The following PYROXD1 variants were observed in gnomAD, a reference collection of about 807,000 sequenced individuals.
The protein encoded by PYROXD1 is tRNA ligase complex-associated NAD(P)H dehydrogenase PYROXD1.
In PYROXD1, 42 loss-of-function variants were observed where a neutral mutation model predicts 62.0. The observed-to-expected ratio is 0.68, with a 90% CI of 0.53 to 0.88. PYROXD1 has a LOEUF of 0.88. PYROXD1 is among the 40% of genes least tolerant of loss of function. The pLI is 0.00. For missense variants in PYROXD1, 493 were observed against 604.8 expected, an observed-to-expected ratio of 0.82 and a Z score of 1.94; for synonymous variants, 170 against 206.4, an observed-to-expected ratio of 0.82 and a Z score of 1.51.
intron 2 of PYROXD1, among the ~76,000 whole-genome samples, 194 bp from the exon 3 acceptor site, chr12:21,445,153 G>A (rs1017467849): frequency 2.6e-5 from 4 of 152,258 alleles, no homozygotes; most frequent in South Asian, 4.1e-4. Context: ...GACTTGCCCA[G>A]GAGCGGCCAA....
At chr12:21,438,472 G>C (rs778986782) in intron 1 of PYROXD1, 2 of 152,218 alleles carry the variant, frequency 1.3e-5, no homozygotes, top group Non-Finnish European at 2.9e-5. Flanking sequence ...GTAGGTGATT[G>C]AGTTTAGTTT....
intron 1 of PYROXD1, among the ~76,000 whole-genome samples, chr12:21,438,851 G>C (rs2417979): frequency 0.49 from 74,853 of 151,946 alleles, 18,506 homozygotes; most frequent in Middle Eastern, 0.59. Context: ...ACCGTATTAA[G>C]GGCTGAGTGT....
At chr12:21,446,310 G>C (rs1157343942) in intron 3 of PYROXD1, among the ~76,000 whole-genome samples, 1 of 116,252 alleles carries the variant, frequency 8.6e-6, no homozygotes, top group Non-Finnish European at 1.9e-5. Context: ...GTTAGTCCCA[G>C]CTACTCGGGA....
At chr12:21,445,116 G>C (rs964662090) in intron 2 of PYROXD1, among the ~76,000 whole-genome samples, 4 of 152,172 alleles carry the variant, frequency 2.6e-5, no homozygotes, top group African/African-American at 9.7e-5. Flanking sequence ...CATTTTATTA[G>C]CCAGGAAACT....
Position 21,455,166 on chromosome 12 carries a change from A to G in PYROXD1, c.523A>G (p.Ile175Val). The change falls in exon 6 of 12, where the codon ATT becomes GTT. Residue 175 changes from isoleucine (I) to valine (V), a missense_variant. Physicochemically the swap from Ile to Val is conservative, Grantham distance 29. Around this residue, in one of 2 missense-constraint regions of PYROXD1, gnomAD observed 329 missense variants for 446.6 expected, o/e 0.74. Coordinates refer to ENST00000240651, the MANE Select transcript of PYROXD1 (RefSeq NM_024854.5). ...EIEGCEVIWA[I>V]KDKAIGNTFF... ...TGAAGGCTGTGAAGTGATTTGGGCC[A>G]TTAAAGATAAAGCTATAGGGAATAC... 2 of 1,535,848 alleles carry G rather than the reference A, an allele frequency of 1.3e-6. No individual in the cohort carries two copies. Among genetic ancestry groups the G allele is most frequent in the Non-Finnish European group, 8.8e-7 (1 of 1,140,264 alleles).
intron 2 of PYROXD1, among the ~76,000 whole-genome samples, chr12:21,442,758 C>T (rs1942319351): frequency 6.6e-6 from 1 of 152,230 alleles, no homozygotes; most frequent in Non-Finnish European, 1.5e-5. Context: ...GGTCCCCTCA[C>T]AGTAGCAAGG....
At chr12:21,445,219 G>A in intron 2 of PYROXD1, 128 bp from the exon 3 acceptor site, 1 of 981,464 alleles carries the variant, frequency 1.0e-6, no homozygotes. Context: ...TCTATATAGT[G>A]CAGTTGGCTA....
chr12:21,461,570 A>G (rs1234320116), intron 8 of PYROXD1, among the ~76,000 whole-genome samples: 4 of 152,210 alleles, frequency 2.6e-5, no homozygotes, highest in Non-Finnish European at 4.4e-5. Context: ...CACTCAGTTA[A>G]CTAGCATATG....
chr12:21,439,748 T>C (rs1942259910), intron 1 of PYROXD1, among the ~76,000 whole-genome samples: 2 of 152,180 alleles, frequency 1.3e-5, no homozygotes, highest in African/African-American at 4.8e-5. Context: ...GAAAATGCTT[T>C]CAGGTACAGA....
chr12:21,443,824 C>G (rs1942339843), intron 2 of PYROXD1, among the ~76,000 whole-genome samples: 2 of 152,136 alleles, frequency 1.3e-5, no homozygotes, highest in Non-Finnish European at 2.9e-5. Flanking sequence ...ACCATGTTGT[C>G]CCTTTATAAC....
chr12:21,463,006 A>T, intron 10 of PYROXD1, 144 bp downstream of exon 10: 1 of 673,786 alleles, frequency 1.5e-6, no homozygotes, highest in African/African-American at 1.8e-5. Context: ...TATTTAAAAA[A>T]AAAACTAGAA....
chr12:21,459,629 TC>T (rs1942658622), intron 7 of PYROXD1, among the ~76,000 whole-genome samples: 1 of 152,156 alleles, frequency 6.6e-6, no homozygotes. Flanking sequence ...GTGAGATTGA[TC>T]CCTCAACATG....
chr12:21,455,580 A>G (rs1942581377), intron 6 of PYROXD1, among the ~76,000 whole-genome samples: 1 of 151,554 alleles, frequency 6.6e-6, no homozygotes, highest in Non-Finnish European at 1.5e-5. Flanking sequence ...TTTGTAAAAA[A>G]TGCAGTGAGT....
At chr12:21,459,597 A>G (rs764801876) in intron 7 of PYROXD1, among the ~76,000 whole-genome samples, 10 of 152,182 alleles carry the variant, frequency 6.6e-5, no homozygotes, top group Non-Finnish European at 1.5e-5. Flanking sequence ...TGCAATTGGT[A>G]TTGGAAGTGG....
chr12:21,453,384 T>C (rs1942536956), intron 5 of PYROXD1, among the ~76,000 whole-genome samples: 1 of 152,112 alleles, frequency 6.6e-6, no homozygotes, highest in Admixed American at 6.5e-5. Flanking sequence ...TGAGGTCTGC[T>C]GCGTGATTAG....
intron 4 of PYROXD1, among the ~76,000 whole-genome samples, 167 bp downstream of exon 4, chr12:21,449,858 CT>C (rs71537701): frequency 5.8e-4 from 85 of 147,432 alleles, no homozygotes; most frequent in East Asian, 1.6e-3. Flanking sequence ...AATTTTCTTT[CT>C]TTTTTTTTTT....
rs546950705 is a variant in PYROXD1 at position 21,456,457 on chromosome 12, AT to A, written c.750+363del. On this transcript the variant is annotated intron_variant, in intron 7 of 11. Transcript: ENST00000240651. ...CAGTTTCCCAGTGCCTGCAAAAGTT[AT>A]GTTTATAACATACTGCAGTCTATTA... is the stretch of plus-strand genomic sequence containing the variant. 9.3e-4 allele frequency among the ~76,000 whole-genome samples: 142 copies of A among 152,326 alleles called. 1 individual carries two copies. Among genetic ancestry groups the A allele is most frequent in the African/African-American group, 3.3e-3 (137 of 41,578 alleles).
intron 2 of PYROXD1, among the ~76,000 whole-genome samples, chr12:21,444,702 A>C (rs1942355086): frequency 6.6e-6 from 1 of 152,166 alleles, no homozygotes; most frequent in South Asian, 2.1e-4. Flanking sequence ...TGTCAGGGCC[A>C]TGCAGTAAGA....
intron 4 of PYROXD1, among the ~76,000 whole-genome samples, chr12:21,450,310 G>C (rs1412761109): frequency 6.6e-6 from 1 of 151,968 alleles, no homozygotes; most frequent in African/African-American, 2.4e-5. Context: ...ACTCTACTTG[G>C]GGAATATGTG....
Sources: gnomAD v4.1 joint callset for allele counts (sites outside exome capture counted in the v4.1 genomes callset) on GRCh38, gnomAD v4.1.1 for gene constraint, gnomAD v4.1.1 regional missense constraint, MANE v1.5 for transcripts, NCBI Gene and HGNC (gene_info 2026-07-23, HGNC 2026-07-21) for gene names.